The following NPAT variants were observed in gnomAD, a reference collection of about 807,000 sequenced individuals.
NPAT encodes the protein nuclear protein, coactivator of histone transcription.
In NPAT, 52 loss-of-function variants were observed where a neutral mutation model predicts 130.7. The observed-to-expected ratio is 0.40, with a 90% CI of 0.32 to 0.50. The LOEUF (loss-of-function observed/expected upper bound fraction) is 0.50, where lower values mean the gene tolerates loss of function less well. NPAT is among the 20% of genes least tolerant of loss of function. The pLI is 0.68. For synonymous variants in NPAT, 580 were observed against 584.8 expected (o/e 0.99, Z 0.12); for missense variants, 1,687 against 1,662.6 (o/e 1.01, Z -0.26).
intron 1 of NPAT, among the ~76,000 whole-genome samples, chr11:108,220,914 C>T (rs554192361): frequency 6.6e-6 from 1 of 152,140 alleles, no homozygotes; most frequent in Non-Finnish European, 1.5e-5. Flanking sequence ...ATGGCAGGCA[C>T]ATTGCGGGAT....
At chr11:108,204,760 C>T (rs1009015625) in intron 1 of NPAT, among the ~76,000 whole-genome samples, 8 of 152,340 alleles carry the variant, frequency 5.3e-5, no homozygotes, top group South Asian at 2.1e-4. Flanking sequence ...CCCTATCATT[C>T]GCTGCCTTGT....
chr11:108,167,319 C>G (rs569707612), intron 15 of NPAT, among the ~76,000 whole-genome samples: 1 of 152,290 alleles, frequency 6.6e-6, no homozygotes, highest in South Asian at 2.1e-4. Flanking sequence ...TTAAGCAATC[C>G]TTCTGCCTCA....
At chr11:108,175,047 C>G in intron 12 of NPAT, among the ~76,000 whole-genome samples, 1 of 152,214 alleles carries the variant, frequency 6.6e-6, no homozygotes, top group South Asian at 2.1e-4. Flanking sequence ...ATACAGCAGT[C>G]TCCCATTATC....
intron 15 of NPAT, among the ~76,000 whole-genome samples, chr11:108,166,119 C>T (rs182333538): frequency 6.6e-6 from 1 of 150,644 alleles, no homozygotes; most frequent in Admixed American, 6.6e-5. Flanking sequence ...CCAGGCCAGG[C>T]GTGGTGGCTC....
Position 108,185,542 on chromosome 11 carries a change from G to A in NPAT, c.727-48C>T, listed in dbSNP as rs779688671. ...GCAAAAGGACAATAAAGAGTATTCT[G>A]CTATTTAATATTTATAAGAAAAGAA... On this transcript the variant is annotated intron_variant, in intron 8 of 17. Transcript: ENST00000278612. 3.4e-6 allele frequency: 4 copies of A among 1,180,772 alleles called. No individual in the cohort carries two copies. In the South Asian group the frequency reaches 5.0e-5, roughly 15 times the overall value. The allele number at this position is 1,180,772 out of a possible 1,614,324, so 73.1% of individuals were successfully genotyped here.
chr11:108,165,256 C>T (rs901561970), intron 15 of NPAT, among the ~76,000 whole-genome samples: 2 of 151,486 alleles, frequency 1.3e-5, no homozygotes, highest in African/African-American at 2.4e-5. Context: ...CAATTTTTTC[C>T]ATTTATAAGT....
chr11:108,161,741 G>C lies in NPAT; in HGVS notation c.3345C>G (p.Ile1115Met). Residue 1115 changes from isoleucine to methionine, a missense_variant, in exon 17 of 18, where the codon ATC (isoleucine) becomes ATG (methionine). This residue lies in a region of NPAT where 1,379 missense variants were observed against 1,346.6 expected (regional missense o/e 1.02). Coordinates refer to ENST00000278612, the MANE Select transcript of NPAT (RefSeq NM_002519.3). ...GAGGAGGCTTCTCTTTCTCTCTTTTGATAGCATTATTAGAAGGGGGTTTTA... is the reference window on the plus strand; with the variant it reads ...GAGGAGGCTTCTCTTTCTCTCTTTTCATAGCATTATTAGAAGGGGGTTTTA... ...STLKPPSNNA[I>M]KREKEKPPLP... 5 of 1,613,740 alleles carry C rather than the reference G, an allele frequency of 3.1e-6. No individual in the cohort carries two copies. The highest frequency in any genetic ancestry group is 4.2e-6 in the Non-Finnish European group (5 of 1,180,034).
At chr11:108,179,812 A>G (rs1405869039) in intron 10 of NPAT, among the ~76,000 whole-genome samples, 1 of 152,086 alleles carries the variant, frequency 6.6e-6, no homozygotes, top group Non-Finnish European at 1.5e-5. Context: ...ATAAAATAAA[A>G]TAAAAAGAAA....
intron 1 of NPAT, among the ~76,000 whole-genome samples, chr11:108,198,349 A>G (rs575228239): frequency 6.6e-6 from 1 of 152,362 alleles, no homozygotes; most frequent in South Asian, 2.1e-4. Context: ...TGCCTAGGGA[A>G]ATCCAGACAT....
intron 10 of NPAT, among the ~76,000 whole-genome samples, chr11:108,181,229 C>T (rs1442214206): frequency 1.2e-4 from 19 of 152,054 alleles, no homozygotes; most frequent in Non-Finnish European, 2.4e-4. Flanking sequence ...TTTGGGAGGC[C>T]GAGGCGGGCA....
chr11:108,157,266 A>C lies in NPAT; in HGVS notation c.*1676T>G, dbSNP rs1173838963. The C allele has an allele frequency of 2.0e-5, 3 of 152,176 alleles. No homozygotes were observed. The highest frequency in any genetic ancestry group is 1.3e-4 in the Admixed American group (2 of 15,280). 9.4% of individuals were successfully genotyped at this position (152,176 alleles called of 1,614,324 possible). A position where few individuals can be genotyped will look rare whatever the true frequency, so the allele number is the denominator to read the frequency against. ...TGAATTTTCAGTGCTTAGTACATAC[A>C]ACTATGAATTGAATAAGAAGAAAAC... is the stretch of plus-strand genomic sequence containing the variant. On this transcript the variant is annotated 3_prime_UTR_variant, in exon 18 of 18. Transcript: ENST00000278612.
intron 10 of NPAT, among the ~76,000 whole-genome samples, chr11:108,180,925 T>G (rs1329229045): frequency 2.0e-5 from 3 of 152,182 alleles, no homozygotes; most frequent in Non-Finnish European, 4.4e-5. Flanking sequence ...CCAAGTGAAA[T>G]AAGCCAGTTA....
At position 108,169,726 on chromosome 11, in the gene NPAT, T is replaced by G; in HGVS notation, c.3010+18A>C. 2 of 1,504,094 alleles carry G rather than the reference T, an allele frequency of 1.3e-6. No homozygotes were observed. Among genetic ancestry groups the G allele is most frequent in the Non-Finnish European group, 1.9e-6 (2 of 1,079,534 alleles). 93.2% of individuals were successfully genotyped at this position (1,504,094 alleles called of 1,614,324 possible). A position where few individuals can be genotyped will look rare whatever the true frequency, so the allele number is the denominator to read the frequency against. ...CATACAAACATAAAGTTAACATTAA[T>G]GAAATTAAAAATGGTACCTATACAA... On this transcript the variant is annotated intron_variant, in intron 15 of 17. Coordinates refer to ENST00000278612, the MANE Select transcript of NPAT (RefSeq NM_002519.3).
Position 108,172,702 on chromosome 11 carries a change from G to C in NPAT, c.2282C>G (p.Ser761Cys), listed in dbSNP as rs754130493. Residue 761 changes from serine (S) to cysteine (C), a missense_variant, in exon 13 of 18, where the codon TCT (serine) becomes TGT (cysteine). Transcript: ENST00000278612. ...TGGCAGGTTTTCTCCATTAATACTAGAAACAGCACTGGTAAGTTCAGTATC... is the reference window on the plus strand; with the variant it reads ...TGGCAGGTTTTCTCCATTAATACTACAAACAGCACTGGTAAGTTCAGTATC... ...SSDTELTSAV[S>C]SINGENLPTI... 1.9e-6 allele frequency: 3 copies of C among 1,613,748 alleles called. No homozygotes were observed. Among genetic ancestry groups the C allele is most frequent in the Non-Finnish European group, 2.5e-6 (3 of 1,180,016 alleles).
At chr11:108,200,022 T>G (rs567833822) in intron 1 of NPAT, among the ~76,000 whole-genome samples, 2 of 152,338 alleles carry the variant, frequency 1.3e-5, no homozygotes, top group African/African-American at 4.8e-5. Flanking sequence ...CAGAACAACT[T>G]GGTTTTTGTC....
intron 1 of NPAT, among the ~76,000 whole-genome samples, chr11:108,213,279 C>T (rs1226708541): frequency 6.6e-6 from 1 of 152,066 alleles, no homozygotes; most frequent in East Asian, 1.9e-4. Context: ...GTCCCAAAAA[C>T]AAAACGAAAC....
chr11:108,192,142 A>G lies in NPAT; in HGVS notation c.266T>C (p.Leu89Ser). The G allele has an allele frequency of 6.2e-7, 1 of 1,605,556 alleles. No homozygotes were observed. The change falls in exon 4 of 18, where the codon TTG becomes TCG. Residue 89 changes from leucine (L) to serine (S), a missense_variant. Leu to Ser is a moderately radical substitution (Grantham distance 145). Around this residue, in one of 3 missense-constraint regions of NPAT, gnomAD observed 307 missense variants for 298.9 expected, o/e 1.03. Transcript: ENST00000278612. Reference sequence around the variant, plus strand: ...CCTGATCTGAGAAAGTGTATGGTCCAATTTCTTCCATAGAGATGACATTAT... The same window carrying G: ...CCTGATCTGAGAAAGTGTATGGTCCGATTTCTTCCATAGAGATGACATTAT... The part of the protein sequence containing the change: ...PAIMSSLWKK[L>S]DHTLSQIRSM...
intron 1 of NPAT, among the ~76,000 whole-genome samples, chr11:108,222,297 C>T (rs905016685): frequency 2.0e-4 from 30 of 152,184 alleles, no homozygotes; most frequent in Non-Finnish European, 2.9e-4. Flanking sequence ...GCCACGCAGC[C>T]TCTGAAGAGA....
intron 10 of NPAT, among the ~76,000 whole-genome samples, chr11:108,177,865 T>A (rs376164767): frequency 2.8e-4 from 43 of 152,028 alleles, no homozygotes; most frequent in African/African-American, 1.0e-3. Context: ...AAACTACACA[T>A]GTGTGCCACC....
Sources: allele counts gnomAD v4.1 joint callset (sites outside exome capture counted in the v4.1 genomes callset), GRCh38; gene constraint gnomAD v4.1.1; regional missense constraint gnomAD v4.1.1; transcripts MANE v1.5; gene names NCBI Gene and HGNC (gene_info 2026-07-23, HGNC 2026-07-21).